The following MVK variants were observed in gnomAD, a reference collection of about 807,000 sequenced individuals.
MVK encodes LH receptor mRNA-binding protein.
MVK carries 34 observed loss-of-function variants against 43.2 expected under a neutral mutation model. That is an observed-to-expected ratio of 0.79 (90% confidence interval 0.60 to 1.05). The LOEUF (loss-of-function observed/expected upper bound fraction) is 1.05, where lower values mean the gene tolerates loss of function less well. Among genes scored for constraint, MVK ranks in the 50% least tolerant of loss-of-function variants. The pLI, the probability that MVK is intolerant of heterozygous loss-of-function variation, is 0.00. For missense variants in MVK, 395 were observed against 504.0 expected (o/e 0.78, Z 2.07); for synonymous variants, 190 against 219.8 (o/e 0.86, Z 1.20).
chr12:109,580,912 G>A (rs1173805406), intron 4 of MVK, among the ~76,000 whole-genome samples: 1 of 152,146 alleles, frequency 6.6e-6, no homozygotes, highest in African/African-American at 2.4e-5. Context: ...GGGAGGGCAG[G>A]CGGGGGTCCT....
At chr12:109,593,137 A>G (rs746851489) in intron 9 of MVK, among the ~76,000 whole-genome samples, 6 of 152,204 alleles carry the variant, frequency 3.9e-5, no homozygotes, top group Admixed American at 1.3e-4. Context: ...GGTGTCTGGA[A>G]CCTGCCTCGG....
At position 109,574,886 on chromosome 12, in the gene MVK, G is replaced by A. The variant is rs1217259118; in HGVS notation, c.64G>A (p.Val22Met). The A allele has an allele frequency of 5.6e-6, 9 of 1,609,174 alleles. No homozygotes were observed. The highest frequency in any genetic ancestry group is 1.1e-5 in the South Asian group (1 of 89,792). ...GKVILHGEHA[V>M]VHGKVALAVS... ...AGTCATCCTTCATGGAGAACATGCC[G>A]TGGTACATGGCAAGGTACAAAGCCG... is the stretch of plus-strand genomic sequence containing the variant. The change falls in exon 2 of 11, where the codon GTG becomes ATG. Residue 22 changes from valine (V) to methionine (M), a missense_variant. Physicochemically the swap from Val to Met is conservative, Grantham distance 21. Transcript: ENST00000228510.
In MVK at chr12:109,586,158, T is replaced by C. The variant is rs779346094; in HGVS notation, c.631+33T>C. Reference sequence around the variant, plus strand: ...TGGCCTCAGGTTTATTTTATTGTTGTTATTTTAAAAATTCTTATTACAATG... The same window carrying C: ...TGGCCTCAGGTTTATTTTATTGTTGCTATTTTAAAAATTCTTATTACAATG... On this transcript the variant is annotated intron_variant, in intron 6 of 10. Transcript: ENST00000228510. 13 of 1,547,408 alleles carry C rather than the reference T, an allele frequency of 8.4e-6. No individual in the cohort carries two copies. The African/African-American group carries it at 1.8e-4, about 21-fold the overall frequency.
Position 109,596,444 on chromosome 12 carries a change from TGGA to T in MVK, c.1061_1063del (p.Glu354del). Reference sequence around the variant, plus strand: ...CCCGCAGGGCTGGAGCAGCCAGAAGTGGAGGCCACGAAGCAGGCCCTGACCAGC... The same window carrying T: ...CCCGCAGGGCTGGAGCAGCCAGAAGTGGCCACGAAGCAGGCCCTGACCAGC... On this transcript the variant is annotated inframe_deletion, in exon 11 of 11. Transcript: ENST00000228510. 1 of 1,613,524 alleles carries T rather than the reference TGGA, an allele frequency of 6.2e-7. No homozygotes were observed. The highest frequency in any genetic ancestry group is 1.1e-5 in the South Asian group (1 of 91,074).
intron 4 of MVK, 70 bp from the exon 5 acceptor site, chr12:109,581,325 G>A: frequency 1.2e-6 from 2 of 1,600,128 alleles, no homozygotes; most frequent in African/African-American, 2.7e-5. Flanking sequence ...CCTGGGCCTG[G>A]CCCCTGGTTC....
chr12:109,579,928 C>T lies in MVK; in HGVS notation c.353C>T (p.Ser118Phe). The part of the protein sequence containing the change: ...AVLAFLYLYL[S>F]ICRKQRALPS... The stretch of plus-strand genomic sequence containing the variant: ...CTGGCCTTTCTTTACTTATACCTGT[C>T]CATCTGCCGGAAGCAGAGGTGTGTG... The change falls in exon 4 of 11, where the codon TCC (serine) becomes TTC (phenylalanine). Residue 118 changes from serine (S) to phenylalanine (F), a missense_variant. Ser to Phe is a radical substitution (Grantham distance 155, BLOSUM62 -2). Transcript: ENST00000228510. 1 of 1,614,200 alleles carries T rather than the reference C, an allele frequency of 6.2e-7. No individual in the cohort carries two copies. The highest frequency in any genetic ancestry group is 1.1e-5 in the South Asian group (1 of 91,076).
chr12:109,586,192 C>A, intron 6 of MVK, 67 bp downstream of exon 6: 1 of 1,242,954 alleles, frequency 8.0e-7, no homozygotes, highest in East Asian at 2.5e-5. Flanking sequence ...TGGTAGGTGC[C>A]CAAGAGTCTG....
intron 5 of MVK, among the ~76,000 whole-genome samples, chr12:109,585,352 C>A (rs1406738073): frequency 6.6e-6 from 1 of 152,222 alleles, no homozygotes; most frequent in African/African-American, 2.4e-5. Context: ...GCAGTTGCCA[C>A]CTGCTGCTTG....
chr12:109,592,863 C>T (rs1885742542), intron 9 of MVK, among the ~76,000 whole-genome samples: 1 of 152,180 alleles, frequency 6.6e-6, no homozygotes, highest in African/African-American at 2.4e-5. Context: ...CTCTCAATTC[C>T]TTCCACATAG....
chr12:109,573,726 T>G (rs1002444870), upstream of MVK: 7 of 572,984 alleles, frequency 1.2e-5, no homozygotes, highest in Non-Finnish European at 1.9e-5. Context: ...TTGGTAAAGG[T>G]ACTCCGGGCT....
At chr12:109,577,698 G>T (rs1885019776) in intron 3 of MVK, among the ~76,000 whole-genome samples, 1 of 151,948 alleles carries the variant, frequency 6.6e-6, no homozygotes, top group Non-Finnish European at 1.5e-5. Flanking sequence ...GGTGGTGGTG[G>T]TTTTTTTTAA....
At chr12:109,573,529 C>G (rs748326668), upstream of MVK, 3 of 1,563,182 alleles carry the variant, frequency 1.9e-6, no homozygotes, top group South Asian at 2.3e-5. Flanking sequence ...CCCGTCCAGT[C>G]CGCGGGGTGA....
chr12:109,579,382 T>A, intron 3 of MVK: 1 of 352,352 alleles, frequency 2.8e-6, no homozygotes. Context: ...ACAAGTGATC[T>A]GCCCACCTTG....
At position 109,578,298 on chromosome 12, in the gene MVK, A is replaced by G. The variant is rs757879190; in HGVS notation, c.227-1504A>G. On this transcript the variant is annotated intron_variant, in intron 3 of 10. Coordinates refer to ENST00000228510, the MANE Select transcript of MVK (RefSeq NM_000431.4). ...TTTTTTTAAGAGGCAGGGTCTTACTATGTTGCCCAGGCTGGTCCCAAATTC... is the reference window on the plus strand; with the variant it reads ...TTTTTTTAAGAGGCAGGGTCTTACTGTGTTGCCCAGGCTGGTCCCAAATTC... 8.8e-4 allele frequency among the ~76,000 whole-genome samples: 132 copies of G among 149,606 alleles called. 1 individual carries two copies. Among genetic ancestry groups the G allele is most frequent in the Admixed American group, 2.1e-3 (31 of 15,014 alleles).
chr12:109,590,935 C>T (rs937181778), intron 8 of MVK, 74 bp downstream of exon 8: 83 of 1,498,608 alleles, frequency 5.5e-5, no homozygotes, highest in Non-Finnish European at 7.2e-5. Context: ...TCGAGGTCTC[C>T]CTCTGGCTGA....
Position 109,579,141 on chromosome 12 carries a change from T to TA in MVK, c.227-661_227-660insA, listed in dbSNP as rs201758612. The stretch of plus-strand genomic sequence containing the variant: ...TGTGTTTGTTTTAAGACTACAATTT[T>TA]TTTTTTTTTTTTTTTTGAGACAGGG... On this transcript the variant is annotated intron_variant, in intron 3 of 10. Transcript: ENST00000228510. 2,664 of 354,276 alleles carry TA rather than the reference T, an allele frequency of 7.5e-3. 6 individuals carry two copies. Among genetic ancestry groups the TA allele is most frequent in the Non-Finnish European group, 9.7e-3 (1,748 of 179,806 alleles). The allele number at this position is 354,276 out of a possible 1,614,324, so 21.9% of individuals were successfully genotyped here.
intron 5 of MVK, among the ~76,000 whole-genome samples, chr12:109,585,081 G>A (rs1434468906): frequency 6.6e-6 from 1 of 152,194 alleles, no homozygotes; most frequent in Admixed American, 6.5e-5. Flanking sequence ...CATGTGTTTT[G>A]GGTCTGTTCA....
intron 4 of MVK, among the ~76,000 whole-genome samples, chr12:109,580,458 A>G (rs1227089636): frequency 2.6e-5 from 4 of 151,974 alleles, no homozygotes; most frequent in Non-Finnish European, 2.9e-5. Context: ...ACCCAAAGGG[A>G]AAAAAACCTC....
At position 109,581,470 on chromosome 12, in the gene MVK, C is replaced by T; in HGVS notation, c.447C>T (p.Tyr149=). 1 of 1,614,208 alleles carries T rather than the reference C, an allele frequency of 6.2e-7. No homozygotes were observed. Among genetic ancestry groups the T allele is most frequent in the Non-Finnish European group, 8.5e-7 (1 of 1,180,024 alleles). ...CGGGCTTGGGCTCCAGCGCCGCCTA[C>T]TCGGTGTGTCTGGCAGCAGCCCTCC... is the stretch of plus-strand genomic sequence containing the variant. ...PGAGLGSSAA[Y]SVCLAAALLT... is the part of the protein sequence containing the mutation. The change falls in exon 5 of 11, where the codon TAC becomes TAT. Residue 149 remains tyrosine, a synonymous_variant. Coordinates refer to ENST00000228510, the MANE Select transcript of MVK (RefSeq NM_000431.4).
Sources: allele counts gnomAD v4.1 joint callset (sites outside exome capture counted in the v4.1 genomes callset), GRCh38; gene constraint gnomAD v4.1.1; transcripts MANE v1.5; gene names NCBI Gene and HGNC (gene_info 2026-07-23, HGNC 2026-07-21).